Variants in DSG4 observed in about 807,000 individuals in gnomAD.
DSG4 encodes the protein desmoglein 4, also known as desmoglein-4.
Under a neutral mutation model 93.1 loss-of-function variants are expected in DSG4, and 87 were observed. The observed-to-expected ratio is 0.93, with a 90% CI of 0.79 to 1.12. The LOEUF (loss-of-function observed/expected upper bound fraction) is 1.12. Among genes scored for constraint, DSG4 ranks in the 50% most tolerant of loss-of-function variants. The pLI, the probability that DSG4 is intolerant of heterozygous loss-of-function variation, is 0.00. For missense variants in DSG4, 1,373 were observed against 1,285.7 expected (o/e 1.07, Z -1.04); for synonymous variants, 432 against 452.9 (o/e 0.95, Z 0.59).
In DSG4 at chr18:31,383,824, G is replaced by A. The variant is rs137950678; in HGVS notation, c.49-1312G>A. Among the ~76,000 whole-genome samples, 75 of 152,180 alleles carry A rather than the reference G, an allele frequency of 4.9e-4. 1 individual carries two copies. Among genetic ancestry groups the A allele is most frequent in the African/African-American group, 1.6e-3 (65 of 41,514 alleles). On this transcript the variant is annotated intron_variant, in intron 1 of 15. Coordinates refer to ENST00000308128, the MANE Select transcript of DSG4 (RefSeq NM_177986.5). ...CTAAGGAATAATGGAAAATATTGACGTCAATATTGAGAAAGAGAGTTAATT... is the reference window on the plus strand; with the variant it reads ...CTAAGGAATAATGGAAAATATTGACATCAATATTGAGAAAGAGAGTTAATT...
intron 3 of DSG4, among the ~76,000 whole-genome samples, chr18:31,387,606 T>A (rs1319114659): frequency 6.6e-6 from 1 of 152,132 alleles, no homozygotes; most frequent in Non-Finnish European, 1.5e-5. Context: ...TTTCTCTGCA[T>A]TTTGGGAGGT....
At chr18:31,407,191 A>G (rs1292618666) in intron 12 of DSG4, among the ~76,000 whole-genome samples, 1 of 152,180 alleles carries the variant, frequency 6.6e-6, no homozygotes, top group Non-Finnish European at 1.5e-5. Flanking sequence ...GGAAGAGCAT[A>G]GCACACCTAG....
chr18:31,377,109 A>G, intron 1 of DSG4, 150 bp downstream of exon 1: 1 of 894,692 alleles, frequency 1.1e-6, no homozygotes, highest in Non-Finnish European at 1.8e-6. Flanking sequence ...AATTTCAAAC[A>G]ACTCTCTCCG....
chr18:31,410,307 T>C (rs2072472421), intron 14 of DSG4, among the ~76,000 whole-genome samples: 1 of 151,868 alleles, frequency 6.6e-6, no homozygotes, highest in Non-Finnish European at 1.5e-5. Flanking sequence ...TTTAAAGTGT[T>C]GCTGTGAGGA....
intron 9 of DSG4, among the ~76,000 whole-genome samples, chr18:31,400,279 C>CA (rs1210299979): frequency 2.0e-5 from 3 of 152,058 alleles, no homozygotes; most frequent in Non-Finnish European, 2.9e-5. Context: ...TTGACAGACG[C>CA]AAAAAAACCT....
In DSG4 at chr18:31,413,622, G is replaced by A; in HGVS notation, c.*27G>A. On this transcript the variant is annotated 3_prime_UTR_variant, in exon 16 of 16. Coordinates refer to ENST00000308128, the MANE Select transcript of DSG4 (RefSeq NM_177986.5). ...TGCTTTATGGTCAGTATTCTATGTGGAGACCTTGCACCTTGTAATCATCAA... is the reference window on the plus strand; with the variant it reads ...TGCTTTATGGTCAGTATTCTATGTGAAGACCTTGCACCTTGTAATCATCAA... 1 of 1,609,094 alleles carries A rather than the reference G, an allele frequency of 6.2e-7. No individual in the cohort carries two copies. The highest frequency in any genetic ancestry group is 8.5e-7 in the Non-Finnish European group (1 of 1,179,580).
chr18:31,384,746 T>A (rs952930588), intron 1 of DSG4, among the ~76,000 whole-genome samples: 1 of 152,206 alleles, frequency 6.6e-6, no homozygotes, highest in African/African-American at 2.4e-5. Flanking sequence ...TACAACTGTG[T>A]TCTTGTTTCA....
At chr18:31,401,131 A>G in intron 10 of DSG4, 111 bp downstream of exon 10, 1 of 929,342 alleles carries the variant, frequency 1.1e-6, no homozygotes, top group South Asian at 2.0e-5. Context: ...TGGTGTATGC[A>G]AGACTTATGG....
intron 5 of DSG4, among the ~76,000 whole-genome samples, chr18:31,390,210 T>G (rs963907111): frequency 6.6e-6 from 1 of 152,168 alleles, no homozygotes; most frequent in African/African-American, 2.4e-5. Flanking sequence ...TCTGGAAAAG[T>G]GGCAATTAAG....
chr18:31,397,316 C>T (rs191555854), intron 8 of DSG4, among the ~76,000 whole-genome samples: 5 of 152,108 alleles, frequency 3.3e-5, no homozygotes, highest in African/African-American at 9.7e-5. Context: ...CGCCTGTGTA[C>T]CTTGTTAAGT....
intron 8 of DSG4, among the ~76,000 whole-genome samples, chr18:31,398,174 A>G (rs888532325): frequency 6.6e-6 from 1 of 152,124 alleles, no homozygotes; most frequent in Non-Finnish European, 1.5e-5. Context: ...ATTTATATTC[A>G]GTTCTGTGCT....
chr18:31,406,515 G>T, intron 12 of DSG4, 142 bp downstream of exon 12: 1 of 908,986 alleles, frequency 1.1e-6, no homozygotes, highest in Non-Finnish European at 1.7e-6. Context: ...TAAACAATGG[G>T]ACTGACAAAT....
intron 11 of DSG4, among the ~76,000 whole-genome samples, chr18:31,404,876 C>T (rs1413942554): frequency 1.3e-5 from 2 of 152,002 alleles, no homozygotes; most frequent in Non-Finnish European, 2.9e-5. Context: ...TATGATTACA[C>T]ATGTAAGAAA....
In DSG4 at chr18:31,403,547, G is replaced by A. The variant is rs747997795; in HGVS notation, c.1549G>A (p.Glu517Lys). ...TCCATCAGTCCTTATCTCTGTTAAT[G>A]AACATTCTTATGGGTCTCCGTTTAC... The part of the protein sequence containing the change: ...DSPSVLISVN[E>K]HSYGSPFTFC... The change falls in exon 11 of 16, where the codon GAA (glutamate) becomes AAA (lysine). Residue 517 changes from glutamate (E) to lysine (K), a missense_variant. Physicochemically the swap from Glu to Lys is moderately conservative, Grantham distance 56. Coordinates refer to ENST00000308128, the MANE Select transcript of DSG4 (RefSeq NM_177986.5). 2 of 1,613,898 alleles carry A rather than the reference G, an allele frequency of 1.2e-6. No individual in the cohort carries two copies. Among genetic ancestry groups the A allele is most frequent in the South Asian group, 1.1e-5 (1 of 91,068 alleles).
At chr18:31,396,751 A>G (rs956325440) in intron 8 of DSG4, among the ~76,000 whole-genome samples, 1 of 152,202 alleles carries the variant, frequency 6.6e-6, no homozygotes, top group Non-Finnish European at 1.5e-5. Context: ...ACAAGAACCA[A>G]CTGGAACTTT....
chr18:31,409,599 G>A lies in DSG4; in HGVS notation c.2073+8G>A. 1 of 1,614,198 alleles carries A rather than the reference G, an allele frequency of 6.2e-7. No individual in the cohort carries two copies. The highest frequency in any genetic ancestry group is 8.5e-7 in the Non-Finnish European group (1 of 1,180,042). On this transcript the variant is annotated splice_region_variant and intron_variant, in intron 13 of 15. Transcript: ENST00000308128. ...GCCCATCCCGAGGACAGGGTAAGTG[G>A]ACTGTCACTCTCCAGAGAAGTGTGG... is the stretch of plus-strand genomic sequence containing the variant.
intron 8 of DSG4, among the ~76,000 whole-genome samples, chr18:31,398,442 G>C (rs2072328964): frequency 6.6e-6 from 1 of 152,182 alleles, no homozygotes; most frequent in Admixed American, 6.6e-5. Context: ...CTGAGAAGCA[G>C]AGATTTACCT....
chr18:31,397,180 C>A (rs1360362530), intron 8 of DSG4, among the ~76,000 whole-genome samples: 1 of 152,166 alleles, frequency 6.6e-6, no homozygotes, highest in African/African-American at 2.4e-5. Flanking sequence ...TTCTATACTA[C>A]AATTTACAGC....
intron 9 of DSG4, 104 bp from the exon 10 acceptor site, chr18:31,400,777 C>T (rs1191459422): frequency 6.6e-6 from 8 of 1,220,658 alleles, no homozygotes; most frequent in Non-Finnish European, 9.4e-6. Flanking sequence ...CACTATAAAA[C>T]ATAAAAACAC....
Sources: gnomAD v4.1 joint callset for allele counts (sites outside exome capture counted in the v4.1 genomes callset) on GRCh38, gnomAD v4.1.1 for gene constraint, MANE v1.5 for transcripts, NCBI Gene and HGNC (gene_info 2026-07-23, HGNC 2026-07-21) for gene names.